The following STAG1 variants were observed in gnomAD, a reference collection of about 807,000 sequenced individuals.
The protein encoded by STAG1 is cohesin subunit SA-1.
STAG1 carries 26 observed loss-of-function variants against 170.9 expected under a neutral mutation model. The ratio of observed to expected loss-of-function variants is 0.15; its 90% CI spans 0.11 to 0.21. STAG1 has a LOEUF of 0.21. Ranked by LOEUF, STAG1 falls within the 10% of genes least tolerant of loss-of-function variation. The probability of loss-of-function intolerance (pLI) is 1.00; values close to 1 mark genes in which losing one functional copy is unlikely to be tolerated. For missense variants in STAG1, 964 were observed against 1,509.5 expected (o/e 0.64, Z 5.99); for synonymous variants, 514 against 497.7 (o/e 1.03, Z -0.44).
chr3:136,619,417 G>A (rs1000544757), intron 3 of STAG1, among the ~76,000 whole-genome samples: 3 of 151,376 alleles, frequency 2.0e-5, no homozygotes, highest in African/African-American at 7.3e-5. Flanking sequence ...AGCGCAAGGG[G>A]AAAACAGTTA....
At chr3:136,567,333 T>A (rs1477912084) in intron 5 of STAG1, among the ~76,000 whole-genome samples, 3 of 152,206 alleles carry the variant, frequency 2.0e-5, no homozygotes, top group African/African-American at 7.2e-5. Flanking sequence ...AATAGTCTAA[T>A]CTCTTGCCAA....
At chr3:136,594,432 T>C (rs1182074034) in intron 4 of STAG1, among the ~76,000 whole-genome samples, 2 of 152,194 alleles carry the variant, frequency 1.3e-5, no homozygotes, top group African/African-American at 4.8e-5. Flanking sequence ...TCTTGCCCAA[T>C]CATATTTAAA....
At chr3:136,652,232 T>G (rs976805496) in intron 1 of STAG1, among the ~76,000 whole-genome samples, 2 of 152,180 alleles carry the variant, frequency 1.3e-5, no homozygotes, top group Non-Finnish European at 2.9e-5. Flanking sequence ...GGAAAAATTG[T>G]TAAAAGACAA....
intron 12 of STAG1, among the ~76,000 whole-genome samples, chr3:136,467,472 A>C (rs1255980381): frequency 6.6e-6 from 1 of 152,178 alleles, no homozygotes; most frequent in Non-Finnish European, 1.5e-5. Context: ...TCCTAAATAT[A>C]TATGCACCCA....
At chr3:136,595,676 CAATAAATAAATAAATA>C (rs59472050) in intron 4 of STAG1, among the ~76,000 whole-genome samples, 23,016 of 127,308 alleles carry the variant, frequency 0.18, 2,528 homozygotes, top group Non-Finnish European at 0.24. Context: ...GACTCCATCT[CAATAAATAAATAAATA>C]AATAAATAAA....
At chr3:136,507,599 C>T (rs893248462) in intron 7 of STAG1, among the ~76,000 whole-genome samples, 2 of 152,050 alleles carry the variant, frequency 1.3e-5, no homozygotes, top group African/African-American at 4.8e-5. Context: ...AACTCCTGGC[C>T]TCAAGTGATT....
intron 3 of STAG1, among the ~76,000 whole-genome samples, chr3:136,613,735 G>A (rs1015642417): frequency 6.6e-5 from 10 of 152,044 alleles, no homozygotes; most frequent in African/African-American, 1.4e-4. Flanking sequence ...GATTTGCCCC[G>A]CCTTGGCTTC....
chr3:136,653,016 T>A (rs1941267922), intron 1 of STAG1, among the ~76,000 whole-genome samples: 1 of 152,180 alleles, frequency 6.6e-6, no homozygotes, highest in Admixed American at 6.5e-5. Flanking sequence ...GGTTCACGCC[T>A]GTAATCCCAG....
intron 10 of STAG1, among the ~76,000 whole-genome samples, chr3:136,476,095 G>A (rs1284429619): frequency 1.3e-5 from 2 of 152,220 alleles, no homozygotes; most frequent in Admixed American, 1.3e-4. Context: ...TTGTAGGCCT[G>A]AAAATATGGC....
intron 1 of STAG1, among the ~76,000 whole-genome samples, chr3:136,635,820 T>C (rs1001016289): frequency 5.9e-5 from 9 of 152,268 alleles, no homozygotes; most frequent in African/African-American, 1.9e-4. Flanking sequence ...CACTTTGCTG[T>C]AGACGATGAA....
At chr3:136,388,989 TCTCA>T (rs992063200) in intron 22 of STAG1, among the ~76,000 whole-genome samples, 9 of 152,144 alleles carry the variant, frequency 5.9e-5, no homozygotes, top group African/African-American at 1.4e-4. Flanking sequence ...AGAGATGGGA[TCTCA>T]CTATGTTGGC....
intron 1 of STAG1, among the ~76,000 whole-genome samples, chr3:136,718,390 C>A (rs994803225): frequency 1.9e-4 from 29 of 152,096 alleles, no homozygotes; most frequent in Non-Finnish European, 1.6e-4. Context: ...ATTAATAATA[C>A]ATTTTTACAC....
At chr3:136,477,749 T>A (rs975605756) in intron 9 of STAG1, among the ~76,000 whole-genome samples, 1 of 152,132 alleles carries the variant, frequency 6.6e-6, no homozygotes, top group Non-Finnish European at 1.5e-5. Context: ...AGTCACAACA[T>A]CCAAGTACAG....
rs767401141 is a variant in STAG1 at position 136,418,360 on chromosome 3, C to CAAAAAAAAAAAAAAAAA, written c.2109-405_2109-389dup. Among the ~76,000 whole-genome samples the CAAAAAAAAAAAAAAAAA allele has an allele frequency of 1.6e-4, 8 of 49,760 alleles. 2 individuals are homozygous for CAAAAAAAAAAAAAAAAA. Among genetic ancestry groups the CAAAAAAAAAAAAAAAAA allele is most frequent in the African/African-American group, 7.6e-4 (7 of 9,264 alleles). The allele number at this position is 49,760 out of a possible 152,430, so 32.6% of individuals were successfully genotyped here. A position where few individuals can be genotyped will look rare whatever the true frequency, so the allele number is the denominator to read the frequency against. Reference sequence around the variant, plus strand: ...GGGTAACTGAGCAAGACTCTGTCTCCAAAAAAAAAAAAAAAAAAAAAAAAA... The same window carrying CAAAAAAAAAAAAAAAAA: ...GGGTAACTGAGCAAGACTCTGTCTCCAAAAAAAAAAAAAAAAAAAAAAAAAAAAAAAAAAAAAAAAAA... On this transcript the variant is annotated intron_variant, in intron 20 of 33. Transcript: ENST00000383202.
chr3:136,563,653 A>C (rs1576611168), intron 5 of STAG1, among the ~76,000 whole-genome samples: 1 of 151,612 alleles, frequency 6.6e-6, no homozygotes. Context: ...CTTACAAAAA[A>C]AAAAAAAAAA....
intron 1 of STAG1, among the ~76,000 whole-genome samples, chr3:136,711,647 A>C (rs897275925): frequency 1.3e-5 from 2 of 152,234 alleles, no homozygotes; most frequent in East Asian, 3.8e-4. Flanking sequence ...TATTGGTACA[A>C]GGCTAGACAG....
chr3:136,392,995 G>C (rs1407812477), intron 22 of STAG1, among the ~76,000 whole-genome samples: 1 of 151,990 alleles, frequency 6.6e-6, no homozygotes, highest in Non-Finnish European at 1.5e-5. Context: ...GACCTCTTGA[G>C]AGATTTAAAT....
chr3:136,473,436 A>C (rs778969962), intron 11 of STAG1, 103 bp downstream of exon 11: 39 of 848,736 alleles, frequency 4.6e-5, no homozygotes, highest in Non-Finnish European at 6.7e-5. Context: ...TGTAATAAAG[A>C]ATATGAACTA....
chr3:136,602,642 G>A (rs1370128751), intron 4 of STAG1, among the ~76,000 whole-genome samples: 1 of 151,996 alleles, frequency 6.6e-6, no homozygotes, highest in East Asian at 1.9e-4. Flanking sequence ...CTTGAGGTCA[G>A]GAGTTTCAGA....
Sources: allele counts gnomAD v4.1 joint callset (sites outside exome capture counted in the v4.1 genomes callset), GRCh38; gene constraint gnomAD v4.1.1; transcripts MANE v1.5; gene names NCBI Gene and HGNC (gene_info 2026-07-23, HGNC 2026-07-21).